The following SIKE1 variants were observed in gnomAD, a reference collection of about 807,000 sequenced individuals.
The protein encoded by SIKE1 is suppressor of IKK epsilon.
Under a neutral mutation model 25.8 loss-of-function variants are expected in SIKE1, and 13 were observed. That is an observed-to-expected ratio of 0.50 (90% confidence interval 0.33 to 0.80). The LOEUF (loss-of-function observed/expected upper bound fraction) is 0.80, where lower values mean the gene tolerates loss of function less well. SIKE1 is among the 30% of genes least tolerant of loss of function. The probability of loss-of-function intolerance (pLI) is 0.02; values close to 1 mark genes in which losing one functional copy is unlikely to be tolerated. For missense variants in SIKE1, 222 were observed against 252.4 expected (o/e 0.88, Z 0.82); for synonymous variants, 86 against 95.5 (o/e 0.90, Z 0.58).
chr1:114,775,716 A>G (rs1451312356), intron 4 of SIKE1, among the ~76,000 whole-genome samples: 1 of 152,106 alleles, frequency 6.6e-6, no homozygotes, highest in South Asian at 2.1e-4. Context: ...CATGTTGCCC[A>G]AGCTGCTCTT....
chr1:114,776,128 A>G (rs1662232443), intron 4 of SIKE1, among the ~76,000 whole-genome samples: 1 of 152,152 alleles, frequency 6.6e-6, no homozygotes, highest in Admixed American at 6.5e-5. Context: ...ATAATACCTC[A>G]AGTTCTTGCC....
chr1:114,780,386 C>A lies in SIKE1; in HGVS notation c.159+63G>T, dbSNP rs1461861459. On this transcript the variant is annotated intron_variant, in intron 1 of 4. Transcript: ENST00000060969. ...AATTCCAGGCCGAGTTCCCACTTTA[C>A]CTCGCTCTCCACCCTTCAGTGCCCA... The A allele has an allele frequency of 1.2e-6, 2 of 1,610,074 alleles. No homozygotes were observed. The highest frequency in any genetic ancestry group is 1.3e-5 in the African/African-American group (1 of 74,874).
chr1:114,777,577 C>T (rs1411316888), intron 3 of SIKE1, among the ~76,000 whole-genome samples: 1 of 152,134 alleles, frequency 6.6e-6, no homozygotes, highest in African/African-American at 2.4e-5. Flanking sequence ...TTCAAAGGAT[C>T]TGATGGCTGT....
chr1:114,778,592 G>A (rs1662312790), intron 3 of SIKE1, among the ~76,000 whole-genome samples: 1 of 152,050 alleles, frequency 6.6e-6, no homozygotes, highest in South Asian at 2.1e-4. Context: ...GAGGGAGGGG[G>A]AACCTTAGTC....
At position 114,780,682 on chromosome 1, in the gene SIKE1, C is replaced by G; in HGVS notation, c.-75G>C. Reference sequence around the variant, plus strand: ...CAGATCTTCTGGGAGTCTGTCTCAGCATTACAGGCGTCATTTCCGGGCACG... The same window carrying G: ...CAGATCTTCTGGGAGTCTGTCTCAGGATTACAGGCGTCATTTCCGGGCACG... On this transcript the variant is annotated 5_prime_UTR_variant, in exon 1 of 5. The change abolishes an upstream ATG in the 5' untranslated region. Transcript: ENST00000060969. 6 of 1,326,908 alleles carry G rather than the reference C, an allele frequency of 4.5e-6. No homozygotes were observed. The highest frequency in any genetic ancestry group is 6.1e-6 in the Non-Finnish European group (6 of 977,598). 82.2% of individuals were successfully genotyped at this position (1,326,908 alleles called of 1,614,324 possible).
At chr1:114,778,543 C>T (rs963017093) in intron 3 of SIKE1, among the ~76,000 whole-genome samples, 6 of 152,132 alleles carry the variant, frequency 3.9e-5, no homozygotes, top group East Asian at 1.9e-4. Flanking sequence ...TTGGTGGGAG[C>T]GCTAAGAATT....
rs1225093772 is a variant in SIKE1 at position 114,772,182 on chromosome 1, A to G, written c.*2089T>C. ...TGACAAGGTTGCTATATATATGTAA[A>G]AAAACCCTCTGCACTTCCTCATTTG... On this transcript the variant is annotated 3_prime_UTR_variant, in exon 5 of 5. Transcript: ENST00000060969. 1.3e-5 allele frequency: 2 copies of G among 152,204 alleles called. No homozygotes were observed. Among genetic ancestry groups the G allele is most frequent in the East Asian group, 3.8e-4 (2 of 5,206 alleles). 9.4% of individuals were successfully genotyped at this position (152,204 alleles called of 1,614,324 possible).
chr1:114,778,720 T>C (rs1400909969), intron 3 of SIKE1, among the ~76,000 whole-genome samples: 1 of 152,136 alleles, frequency 6.6e-6, no homozygotes, highest in Non-Finnish European at 1.5e-5. Context: ...ATGAGCTTAC[T>C]TTTCTTCAAA....
chr1:114,780,378 C>T, intron 1 of SIKE1, 71 bp downstream of exon 1: 1 of 1,609,390 alleles, frequency 6.2e-7, no homozygotes, highest in East Asian at 2.3e-5. Context: ...GGCCGAGTTC[C>T]CACTTTACCT....
At chr1:114,778,203 A>G (rs1408823614) in intron 3 of SIKE1, among the ~76,000 whole-genome samples, 1 of 152,234 alleles carries the variant, frequency 6.6e-6, no homozygotes, top group Non-Finnish European at 1.5e-5. Context: ...ATCTAGAATT[A>G]AATGATACAG....
Position 114,770,566 on chromosome 1 carries a change from T to A in SIKE1, c.*3705A>T, listed in dbSNP as rs1020247503. 3 of 152,176 alleles carry A rather than the reference T, an allele frequency of 2.0e-5. No individual in the cohort carries two copies. Among genetic ancestry groups the A allele is most frequent in the Non-Finnish European group, 4.4e-5 (3 of 68,030 alleles). 9.4% of individuals were successfully genotyped at this position (152,176 alleles called of 1,614,324 possible). ...TTTAAAATTGAAGGCAGATGTTTCT[T>A]CCTTAGCTGCAAAAGGAGGCTGAGA... On this transcript the variant is annotated 3_prime_UTR_variant, in exon 5 of 5. Coordinates refer to ENST00000060969, the MANE Select transcript of SIKE1 (RefSeq NM_025073.3).
rs1026839894 is a variant in SIKE1 at position 114,773,432 on chromosome 1, T to C, written c.*839A>G. ...AATGGAAATTGTATAAAAATTAAAA[T>C]AGAATGTAGAACTAGTAGGATAACA... is the stretch of plus-strand genomic sequence containing the variant. On this transcript the variant is annotated 3_prime_UTR_variant, in exon 5 of 5. Coordinates refer to ENST00000060969, the MANE Select transcript of SIKE1 (RefSeq NM_025073.3). The C allele has an allele frequency of 6.6e-6, 1 of 152,124 alleles. No homozygotes were observed. Among genetic ancestry groups the C allele is most frequent in the Non-Finnish European group, 1.5e-5 (1 of 68,008 alleles). The allele number at this position is 152,124 out of a possible 1,614,324, so 9.4% of individuals were successfully genotyped here. A position where few individuals can be genotyped will look rare whatever the true frequency, so the allele number is the denominator to read the frequency against.
At chr1:114,778,392 A>C (rs1206856228) in intron 3 of SIKE1, among the ~76,000 whole-genome samples, 1 of 152,214 alleles carries the variant, frequency 6.6e-6, no homozygotes, top group Non-Finnish European at 1.5e-5. Flanking sequence ...AGGTTTACTG[A>C]CTGCCTGCTG....
rs530259204 is a variant in SIKE1, at chr1:114,777,156, C to T, written c.409-697G>A. Among the ~76,000 whole-genome samples, 4 of 152,014 alleles carry T rather than the reference C, an allele frequency of 2.6e-5. No homozygotes were observed. In the East Asian group the frequency reaches 7.8e-4, roughly 29 times the overall value. On this transcript the variant is annotated intron_variant, in intron 3 of 4. Coordinates refer to ENST00000060969, the MANE Select transcript of SIKE1 (RefSeq NM_025073.3). Reference sequence around the variant, plus strand: ...TAGGAGGAATACCTAATGTAAAGGACGAGTTAATGGGTGCAGCACACCATC... The same window carrying T: ...TAGGAGGAATACCTAATGTAAAGGATGAGTTAATGGGTGCAGCACACCATC...
chr1:114,775,219 A>G (rs182361298), intron 4 of SIKE1, among the ~76,000 whole-genome samples: 1 of 152,232 alleles, frequency 6.6e-6, no homozygotes, highest in East Asian at 1.9e-4. Flanking sequence ...ACTCTGGTAA[A>G]CCAAAGCATT....
In SIKE1 at chr1:114,771,104, C is replaced by T. The variant is rs1308813788; in HGVS notation, c.*3167G>A. ...GGCTTGGCAACAACTTTCTAGCAAA[C>T]ACAAGAAAACAGCATGAGGGATGTA... On this transcript the variant is annotated 3_prime_UTR_variant, in exon 5 of 5. Transcript: ENST00000060969. 6.6e-6 allele frequency: 1 copy of T among 152,172 alleles called. No homozygotes were observed. Among genetic ancestry groups the T allele is most frequent in the Non-Finnish European group, 1.5e-5 (1 of 68,026 alleles). The allele number at this position is 152,172 out of a possible 1,614,324, so 9.4% of individuals were successfully genotyped here.
At chr1:114,778,208 A>T (rs193037976) in intron 3 of SIKE1, among the ~76,000 whole-genome samples, 2 of 152,244 alleles carry the variant, frequency 1.3e-5, no homozygotes, top group African/African-American at 4.8e-5. Context: ...GAATTAAATG[A>T]TACAGTACAC....
Position 114,776,505 on chromosome 1 carries a change from G to GTAGA in SIKE1, c.409-50_409-47dup, listed in dbSNP as rs1197213973. 4 of 1,228,946 alleles carry GTAGA rather than the reference G, an allele frequency of 3.3e-6. No homozygotes were observed. In the South Asian group the frequency reaches 3.6e-5, roughly 11 times the overall value. 76.1% of individuals were successfully genotyped at this position (1,228,946 alleles called of 1,614,324 possible). Reference sequence around the variant, plus strand: ...CAAAGGTGGAAAAATCACCTGTTCTGTAGATATAAAGAACGTAAAAGCATG... The same window carrying GTAGA: ...CAAAGGTGGAAAAATCACCTGTTCTGTAGATAGATATAAAGAACGTAAAAGCATG... On this transcript the variant is annotated intron_variant, in intron 3 of 4. Transcript: ENST00000060969.
intron 3 of SIKE1, 60 bp from the exon 4 acceptor site, chr1:114,776,519 CGTAAA>C: frequency 5.5e-6 from 6 of 1,090,612 alleles, no homozygotes; most frequent in Non-Finnish European, 8.4e-6. Flanking sequence ...ATATAAAGAA[CGTAAA>C]AGCATGTGCA....
Sources: allele counts gnomAD v4.1 joint callset (sites outside exome capture counted in the v4.1 genomes callset), GRCh38; gene constraint gnomAD v4.1.1; transcripts MANE v1.5; gene names NCBI Gene and HGNC (gene_info 2026-07-23, HGNC 2026-07-21).